The following FBXL7 variants were observed in gnomAD, a reference collection of about 807,000 sequenced individuals.
The protein encoded by FBXL7 is F-box/LRR-repeat protein 7.
A neutral mutation model predicts 38.3 loss-of-function variants in FBXL7; 12 were observed. That is an observed-to-expected ratio of 0.31 (90% CI 0.20 to 0.51). The LOEUF is 0.51. Among genes scored for constraint, FBXL7 ranks in the 20% least tolerant of loss-of-function variants. The pLI is 0.98. For synonymous variants in FBXL7, 297 were observed against 300.9 expected (o/e 0.99, Z 0.13); for missense variants, 567 against 676.4 (o/e 0.84, Z 1.79).
chr5:15,881,309 G>C (rs1232769463), intron 2 of FBXL7, among the ~76,000 whole-genome samples: 1 of 152,136 alleles, frequency 6.6e-6, no homozygotes, highest in Non-Finnish European at 1.5e-5. Flanking sequence ...ACTTCACTTA[G>C]AATAATAGGC....
At chr5:15,751,844 A>G (rs1282893596) in intron 2 of FBXL7, among the ~76,000 whole-genome samples, 1 of 152,208 alleles carries the variant, frequency 6.6e-6, no homozygotes. Context: ...TCAGACTAGT[A>G]TTAAACTGGG....
rs185604811 is a variant in FBXL7 at position 15,829,266 on chromosome 5, G to A, written c.128-98624G>A. The stretch of plus-strand genomic sequence containing the variant: ...AATTGTCTTTGTGGTGGTGGTGGTG[G>A]TGGTTTTTGCAGCTCATTGGTTACA... On this transcript the variant is annotated intron_variant, in intron 2 of 3. Coordinates refer to ENST00000504595, the MANE Select transcript of FBXL7 (RefSeq NM_012304.5). 7.1e-3 allele frequency among the ~76,000 whole-genome samples: 1,074 copies of A among 152,148 alleles called. 11 individuals are homozygous for A. The highest frequency in any genetic ancestry group is 0.025 in the African/African-American group (1,024 of 41,528).
At chr5:15,697,919 A>G (rs1283991960) in intron 2 of FBXL7, among the ~76,000 whole-genome samples, 6 of 152,234 alleles carry the variant, frequency 3.9e-5, no homozygotes, top group Non-Finnish European at 8.8e-5. Flanking sequence ...AATGCTTCCA[A>G]CTTGTTATTA....
At chr5:15,838,949 A>T (rs1579507799) in intron 2 of FBXL7, among the ~76,000 whole-genome samples, 1 of 152,156 alleles carries the variant, frequency 6.6e-6, no homozygotes, top group Admixed American at 6.5e-5. Context: ...TATAACAGTA[A>T]CTGCCACTAA....
At chr5:15,587,115 G>C (rs1739328569) in intron 1 of FBXL7, among the ~76,000 whole-genome samples, 1 of 152,162 alleles carries the variant, frequency 6.6e-6, no homozygotes, top group African/African-American at 2.4e-5. Flanking sequence ...CATTTGTCCT[G>C]CTGGAAAATC....
chr5:15,896,084 G>T (rs1217881012), intron 2 of FBXL7, among the ~76,000 whole-genome samples: 2 of 151,264 alleles, frequency 1.3e-5, no homozygotes, highest in Admixed American at 6.6e-5. Flanking sequence ...GAGTGCAATG[G>T]CAGGATCTCA....
intron 2 of FBXL7, among the ~76,000 whole-genome samples, chr5:15,903,237 G>A (rs1741274624): frequency 6.6e-6 from 1 of 152,130 alleles, no homozygotes. Flanking sequence ...TTCACTGAAG[G>A]ATTCTGACAA....
rs575066094 is a variant in FBXL7, at chr5:15,612,524, GTTTTA to G, written c.38-3454_38-3450del. ...CTGAGAAGTTTCTCTGAAATTTGTTGTTTTATTTTGTGCTTTCATTTTCATGATAA... is the reference window on the plus strand; with the variant it reads ...CTGAGAAGTTTCTCTGAAATTTGTTGTTTTGTGCTTTCATTTTCATGATAA... On this transcript the variant is annotated intron_variant, in intron 1 of 3. Coordinates refer to ENST00000504595, the MANE Select transcript of FBXL7 (RefSeq NM_012304.5). Among the ~76,000 whole-genome samples, 56 of 152,150 alleles carry G rather than the reference GTTTTA, an allele frequency of 3.7e-4. 1 individual carries two copies. Among genetic ancestry groups the G allele is most frequent in the African/African-American group, 1.3e-3 (54 of 41,530 alleles).
At chr5:15,716,496 T>C (rs1352849991) in intron 2 of FBXL7, among the ~76,000 whole-genome samples, 1 of 152,194 alleles carries the variant, frequency 6.6e-6, no homozygotes, top group Non-Finnish European at 1.5e-5. Flanking sequence ...CCTCCTGGCC[T>C]ATTAAGTTGC....
At chr5:15,873,501 AATAG>A (rs1340723141) in intron 2 of FBXL7, among the ~76,000 whole-genome samples, 2 of 152,188 alleles carry the variant, frequency 1.3e-5, no homozygotes, top group Non-Finnish European at 1.5e-5. Context: ...AGAATAGCAA[AATAG>A]ATAGACCACT....
intron 1 of FBXL7, among the ~76,000 whole-genome samples, chr5:15,611,077 C>T (rs976662363): frequency 3.3e-5 from 5 of 152,182 alleles, no homozygotes; most frequent in Non-Finnish European, 7.4e-5. Context: ...TGTCAGTCCT[C>T]ATTATTTGTG....
At chr5:15,628,331 G>C (rs1740883670) in intron 2 of FBXL7, among the ~76,000 whole-genome samples, 1 of 140,594 alleles carries the variant, frequency 7.1e-6, no homozygotes. Flanking sequence ...AGGTGTAGGA[G>C]GATATCCAGG....
Position 15,622,602 on chromosome 5 carries a change from A to C in FBXL7, c.127+6530A>C, listed in dbSNP as rs1176696546. Among the ~76,000 whole-genome samples, 5 of 152,310 alleles carry C rather than the reference A, an allele frequency of 3.3e-5. No homozygotes were observed. The East Asian group carries it at 5.8e-4, about 18-fold the overall frequency. On this transcript the variant is annotated intron_variant, in intron 2 of 3. Transcript: ENST00000504595. The stretch of plus-strand genomic sequence containing the variant: ...TTTCCAGCTTCATCCATGTCCCTAC[A>C]AAGGACATGAACTCATCATTTTTTA...
intron 1 of FBXL7, among the ~76,000 whole-genome samples, chr5:15,603,361 A>G (rs955346611): frequency 2.0e-5 from 3 of 152,216 alleles, no homozygotes; most frequent in Non-Finnish European, 4.4e-5. Flanking sequence ...TTTACTTGCA[A>G]TTTACTTATT....
chr5:15,621,118 A>G (rs964282244), intron 2 of FBXL7, among the ~76,000 whole-genome samples: 3 of 152,202 alleles, frequency 2.0e-5, no homozygotes, highest in Admixed American at 6.5e-5. Flanking sequence ...GTTCCATTCC[A>G]AAGTCTCATG....
chr5:15,742,371 T>C (rs926388813), intron 2 of FBXL7, among the ~76,000 whole-genome samples: 4 of 152,194 alleles, frequency 2.6e-5, no homozygotes, highest in Non-Finnish European at 5.9e-5. Context: ...ATTTGACTGA[T>C]GAAATAGTTT....
chr5:15,819,410 T>A (rs1738111241), intron 2 of FBXL7, among the ~76,000 whole-genome samples: 1 of 152,214 alleles, frequency 6.6e-6, no homozygotes, highest in African/African-American at 2.4e-5. Context: ...AACATCTGGA[T>A]GTTTGGAAAT....
At chr5:15,849,172 T>C (rs539212964) in intron 2 of FBXL7, among the ~76,000 whole-genome samples, 365 of 152,228 alleles carry the variant, frequency 2.4e-3, no homozygotes, top group Non-Finnish European at 4.6e-3. Context: ...ATTTGCAAAC[T>C]TAAAGCCAAA....
chr5:15,820,104 G>A (rs942605634), intron 2 of FBXL7, among the ~76,000 whole-genome samples: 2 of 152,164 alleles, frequency 1.3e-5, no homozygotes, highest in African/African-American at 4.8e-5. Context: ...TTGTTTGCTG[G>A]TGGGATGAAC....
Sources: allele counts gnomAD v4.1 joint callset (sites outside exome capture counted in the v4.1 genomes callset), GRCh38; gene constraint gnomAD v4.1.1; transcripts MANE v1.5; gene names NCBI Gene and HGNC (gene_info 2026-07-23, HGNC 2026-07-21).